The following OSBPL3 variants were observed in gnomAD, a reference collection of about 807,000 sequenced individuals.
OSBPL3 encodes oxysterol binding protein like 3.
A neutral mutation model predicts 120.1 loss-of-function variants in OSBPL3; 65 were observed. The ratio of observed to expected loss-of-function variants is 0.54; its 90% CI spans 0.44 to 0.67. The LOEUF is 0.67. Among genes scored for constraint, OSBPL3 ranks in the 30% least tolerant of loss-of-function variants. The pLI, the probability that OSBPL3 is intolerant of heterozygous loss-of-function variation, is 0.00. For missense variants in OSBPL3, 1,004 were observed against 1,082.1 expected (o/e 0.93, Z 1.01); for synonymous variants, 416 against 402.6 (o/e 1.03, Z -0.40).
In OSBPL3 at chr7:24,816,467, A is replaced by G. The variant is rs554323278; in HGVS notation, c.2027+143T>C. On this transcript the variant is annotated intron_variant, in intron 18 of 22. Coordinates refer to ENST00000313367, the MANE Select transcript of OSBPL3 (RefSeq NM_015550.4). ...AAGTGAGCTTGCCAAAAGGAGGAAC[A>G]TTTAAACCTACTGTCAGACAGATTA... 1.2e-3 allele frequency: 775 copies of G among 658,282 alleles called. 7 individuals are homozygous for G. Among genetic ancestry groups the G allele is most frequent in the Non-Finnish European group, 6.2e-4 (227 of 364,658 alleles). The allele number at this position is 658,282 out of a possible 1,614,324, so 40.8% of individuals were successfully genotyped here. A position where few individuals can be genotyped will look rare whatever the true frequency, so the allele number is the denominator to read the frequency against.
intron 20 of OSBPL3, among the ~76,000 whole-genome samples, chr7:24,809,078 C>T (rs1018441668): frequency 6.6e-6 from 1 of 152,138 alleles, no homozygotes; most frequent in African/African-American, 2.4e-5. Flanking sequence ...GCCACCCCCC[C>T]CACTCACTTA....
rs546909372 is a variant in OSBPL3, at chr7:24,932,663, A to G, written c.-149-40042T>C. Among the ~76,000 whole-genome samples, 3 of 152,168 alleles carry G rather than the reference A, an allele frequency of 2.0e-5. No homozygotes were observed. Among genetic ancestry groups the G allele is most frequent in the Admixed American group, 6.5e-5 (1 of 15,280 alleles). On this transcript the variant is annotated intron_variant, in intron 1 of 22. Coordinates refer to ENST00000313367, the MANE Select transcript of OSBPL3 (RefSeq NM_015550.4). This position sits in a 1 kb window ranked among gnomAD's most constrained non-coding sequence, Gnocchi z 5.6. ...CCAACCAAAAAACGAGCCTCCCAAG[A>G]CACCAAATCCAATAGTACTTCGATC...
In OSBPL3 at chr7:24,806,919, T is replaced by C. The variant is rs1562752172; in HGVS notation, c.2318-17A>G. 6.3e-7 allele frequency: 1 copy of C among 1,599,720 alleles called. No individual in the cohort carries two copies. Among genetic ancestry groups the C allele is most frequent in the East Asian group, 2.2e-5 (1 of 44,584 alleles). The stretch of plus-strand genomic sequence containing the variant: ...GCATAGGATCTAAGAAGAAAATAAA[T>C]CATTCACCCCTAACTTGCATGTTAC... On this transcript the variant is annotated splice_polypyrimidine_tract_variant and intron_variant, in intron 20 of 22. Coordinates refer to ENST00000313367, the MANE Select transcript of OSBPL3 (RefSeq NM_015550.4). The surrounding 1 kb of genome is among the most constrained non-coding windows in gnomAD (Gnocchi z 5.2).
Position 24,824,965 on chromosome 7 carries a change from GA to G in OSBPL3, c.1885-4728del, listed in dbSNP as rs1795529813. On this transcript the variant is annotated intron_variant, in intron 16 of 22. Coordinates refer to ENST00000313367, the MANE Select transcript of OSBPL3 (RefSeq NM_015550.4). This position sits in a 1 kb window ranked among gnomAD's most constrained non-coding sequence, Gnocchi z 4.9. ...GGAAAATGCTTGGTATGAAGCAGAA[GA>G]AGCAAGGCCAGTCTGGCAGAGCTAA... Among the ~76,000 whole-genome samples the G allele has an allele frequency of 6.6e-6, 1 of 152,188 alleles. No homozygotes were observed. Among genetic ancestry groups the G allele is most frequent in the South Asian group, 2.1e-4 (1 of 4,832 alleles).
intron 1 of OSBPL3, among the ~76,000 whole-genome samples, chr7:24,907,087 G>T (rs1325022296): frequency 1.3e-5 from 2 of 151,876 alleles, no homozygotes; most frequent in Non-Finnish European, 2.9e-5. Context: ...CTCTCTCCCT[G>T]ACACTGACCT....
At chr7:24,800,385 G>T in intron 22 of OSBPL3, 106 bp from the exon 23 acceptor site, 1 of 650,990 alleles carries the variant, frequency 1.5e-6, no homozygotes, top group Non-Finnish European at 2.8e-6. Context: ...ATTCCCACAT[G>T]CATTCAGCGT....
Position 24,830,847 on chromosome 7 carries a change from C to T in OSBPL3, c.1805G>A (p.Ser602Asn). ...AYASSYYRAG[S>N]KPFNPVLGET... ...TCCAAGAACCGGATTAAATGGCTTG[C>T]TTCCAGCTCGGTAGTAGCTAGATGC... The change falls in exon 16 of 23, where the codon AGC becomes AAC. Residue 602 changes from serine to asparagine, a missense_variant. By Grantham distance (46) the Ser-to-Asn change is conservative. This residue lies in a region of OSBPL3 where 473 missense variants were observed against 568.0 expected (regional missense o/e 0.83). Transcript: ENST00000313367. The surrounding 1 kb of genome is among the most constrained non-coding windows in gnomAD (Gnocchi z 4.4). 1 of 1,614,132 alleles carries T rather than the reference C, an allele frequency of 6.2e-7. No homozygotes were observed. The highest frequency in any genetic ancestry group is 1.1e-5 in the South Asian group (1 of 91,076).
chr7:24,892,064 T>C (rs147141802), intron 2 of OSBPL3, among the ~76,000 whole-genome samples: 335 of 152,352 alleles, frequency 2.2e-3, no homozygotes, highest in African/African-American at 7.4e-3. Context: ...TAGCTGTGTG[T>C]CCTTGGGCAA....
rs1809983606 is a variant in OSBPL3 at position 24,918,409 on chromosome 7, G to A, written c.-149-25788C>T. On this transcript the variant is annotated intron_variant, in intron 1 of 22. Transcript: ENST00000313367. The surrounding 1 kb of genome is among the most constrained non-coding windows in gnomAD (Gnocchi z 4.3). ...TTTCAGTCTGGAATTACCCCAGAGAGAAAACATCTAGATAGAAGTATGTAT... is the reference window on the plus strand; with the variant it reads ...TTTCAGTCTGGAATTACCCCAGAGAAAAAACATCTAGATAGAAGTATGTAT... Among the ~76,000 whole-genome samples the A allele has an allele frequency of 6.6e-6, 1 of 152,148 alleles. No homozygotes were observed. The highest frequency in any genetic ancestry group is 1.5e-5 in the Non-Finnish European group (1 of 68,032).
Position 24,820,324 on chromosome 7 carries a change from G to GT in OSBPL3, c.1885-87dup. 3 of 982,204 alleles carry GT rather than the reference G, an allele frequency of 3.1e-6. No individual in the cohort carries two copies. Among genetic ancestry groups the GT allele is most frequent in the Non-Finnish European group, 4.8e-6 (3 of 626,060 alleles). 60.8% of individuals were successfully genotyped at this position (982,204 alleles called of 1,614,324 possible). On this transcript the variant is annotated intron_variant, in intron 16 of 22. Coordinates refer to ENST00000313367, the MANE Select transcript of OSBPL3 (RefSeq NM_015550.4). This position sits in a 1 kb window ranked among gnomAD's most constrained non-coding sequence, Gnocchi z 4.6. ...CATTCTTTCTCCCCTGCACTGAGAT[G>GT]TAACAGCGTGCAATGCTGAACTGAA...
At chr7:24,974,596 G>A (rs1817374784) in intron 1 of OSBPL3, among the ~76,000 whole-genome samples, 1 of 152,112 alleles carries the variant, frequency 6.6e-6, no homozygotes, top group Non-Finnish European at 1.5e-5. Context: ...AGAAATGCCA[G>A]TCCCGTCAGC....
intron 1 of OSBPL3, among the ~76,000 whole-genome samples, chr7:24,979,311 G>A (rs770455662): frequency 2.0e-5 from 3 of 151,962 alleles, no homozygotes; most frequent in African/African-American, 2.4e-5. Flanking sequence ...ATTCCAGAAG[G>A]GGCCAGAAAG....
intron 1 of OSBPL3, among the ~76,000 whole-genome samples, chr7:24,924,928 T>C (rs1239396900): frequency 6.6e-6 from 1 of 152,222 alleles, no homozygotes; most frequent in Non-Finnish European, 1.5e-5. Context: ...TATATATAGC[T>C]GTTACCCTTT....
Position 24,800,128 on chromosome 7 carries a change from T to A in OSBPL3, c.*55A>T, listed in dbSNP as rs1394256989. On this transcript the variant is annotated 3_prime_UTR_variant, in exon 23 of 23. Coordinates refer to ENST00000313367, the MANE Select transcript of OSBPL3 (RefSeq NM_015550.4). ...ATATATAAACACAGGTTTGTGCCAC[T>A]TCAGAAGGCAAGCACAGGAGAAATA... 1.0e-6 allele frequency: 1 copy of A among 1,004,564 alleles called. No homozygotes were observed. 62.2% of individuals were successfully genotyped at this position (1,004,564 alleles called of 1,614,324 possible).
In OSBPL3 at chr7:24,937,817, G is replaced by C. The variant is rs1279877669; in HGVS notation, c.-150+42069C>G. 6.6e-6 allele frequency among the ~76,000 whole-genome samples: 1 copy of C among 152,218 alleles called. No homozygotes were observed. The highest frequency in any genetic ancestry group is 1.9e-4 in the East Asian group (1 of 5,202). ...CATGTCTTTGCCCATACTTGGTGTA[G>C]TCAAACTATTTAATTTGAACAAATT... On this transcript the variant is annotated intron_variant, in intron 1 of 22. Coordinates refer to ENST00000313367, the MANE Select transcript of OSBPL3 (RefSeq NM_015550.4). This position sits in a 1 kb window ranked among gnomAD's most constrained non-coding sequence, Gnocchi z 4.0.
intron 1 of OSBPL3, among the ~76,000 whole-genome samples, chr7:24,927,658 T>C (rs1811228235): frequency 6.6e-6 from 1 of 152,166 alleles, no homozygotes; most frequent in Non-Finnish European, 1.5e-5. Flanking sequence ...TGCTTGTAGT[T>C]ATGTCTGTGT....
chr7:24,808,645 G>C lies in OSBPL3; in HGVS notation c.2317+1162C>G, dbSNP rs1793374192. 6.6e-6 allele frequency among the ~76,000 whole-genome samples: 1 copy of C among 152,214 alleles called. No individual in the cohort carries two copies. ...GCTACCCATTGAAAGGGCCACTGCT[G>C]GCTGCCTACTTGACCATCATTTCTC... On this transcript the variant is annotated intron_variant, in intron 20 of 22. Transcript: ENST00000313367. This position sits in a 1 kb window ranked among gnomAD's most constrained non-coding sequence, Gnocchi z 4.6.
chr7:24,880,315 T>A (rs905893522), intron 2 of OSBPL3, among the ~76,000 whole-genome samples: 6 of 152,150 alleles, frequency 3.9e-5, no homozygotes, highest in Non-Finnish European at 2.9e-5. Flanking sequence ...ACCTCGCAGC[T>A]GAGTGTCCAC....
At chr7:24,848,661 A>T (rs1030066919) in intron 12 of OSBPL3, among the ~76,000 whole-genome samples, 8 of 152,188 alleles carry the variant, frequency 5.3e-5, no homozygotes, top group African/African-American at 1.9e-4. Flanking sequence ...ACAGCCACAG[A>T]GAAAGGGTTA....
Sources: gnomAD v4.1 joint callset for allele counts (sites outside exome capture counted in the v4.1 genomes callset) on GRCh38, gnomAD v4.1.1 for gene constraint, gnomAD v4.1.1 regional missense constraint, Gnocchi (gnomAD v3.1) non-coding constraint, MANE v1.5 for transcripts, NCBI Gene and HGNC (gene_info 2026-07-23, HGNC 2026-07-21) for gene names.